The following NCOA2 variants were observed in gnomAD, a reference collection of about 807,000 sequenced individuals.
NCOA2 encodes nuclear receptor coactivator 2, also known as class E basic helix-loop-helix protein 75.
NCOA2 carries 21 observed loss-of-function variants against 145.1 expected under a neutral mutation model. The ratio of observed to expected loss-of-function variants is 0.14; its 90% CI spans 0.10 to 0.21. NCOA2 has a LOEUF of 0.21. NCOA2 is among the 10% of genes least tolerant of loss of function. NCOA2 has a pLI of 1.00. For missense variants in NCOA2, 1,472 were observed against 1,837.6 expected, an observed-to-expected ratio of 0.80 and a Z score of 3.64; for synonymous variants, 619 against 637.5, an observed-to-expected ratio of 0.97 and a Z score of 0.44.
At chr8:70,205,229 T>C (rs994543823) in intron 4 of NCOA2, among the ~76,000 whole-genome samples, 4 of 152,006 alleles carry the variant, frequency 2.6e-5, no homozygotes, top group African/African-American at 7.3e-5. Context: ...GTGTTTGAGA[T>C]AGGCCTTGAA....
intron 7 of NCOA2, among the ~76,000 whole-genome samples, chr8:70,165,503 G>A (rs1262198814): frequency 6.6e-6 from 1 of 152,168 alleles, no homozygotes; most frequent in Non-Finnish European, 1.5e-5. Context: ...TCAGTCACAA[G>A]TGGTCCTCAG....
At chr8:70,319,529 C>T (rs1485158396) in intron 1 of NCOA2, among the ~76,000 whole-genome samples, 1 of 129,114 alleles carries the variant, frequency 7.7e-6, no homozygotes, top group South Asian at 2.4e-4. Context: ...GCAACAGAGA[C>T]CCTGTCTCAA....
At chr8:70,173,743 G>A (rs1814507798) in intron 5 of NCOA2, among the ~76,000 whole-genome samples, 1 of 152,150 alleles carries the variant, frequency 6.6e-6, no homozygotes, top group African/African-American at 2.4e-5. Flanking sequence ...TGGGTCAGAT[G>A]CTCTTGGAGT....
intron 2 of NCOA2, among the ~76,000 whole-genome samples, chr8:70,269,351 C>T (rs1264597116): frequency 6.6e-6 from 1 of 152,072 alleles, no homozygotes; most frequent in African/African-American, 2.4e-5. Context: ...GTGGCTCACA[C>T]CTATAATCCC....
chr8:70,171,828 A>C (rs1197222230), intron 5 of NCOA2, among the ~76,000 whole-genome samples: 3 of 150,744 alleles, frequency 2.0e-5, no homozygotes, highest in Admixed American at 2.0e-4. Flanking sequence ...ACACCCAGAT[A>C]TTTTTTATTT....
At chr8:70,198,283 G>A (rs1189345936) in intron 4 of NCOA2, among the ~76,000 whole-genome samples, 1 of 152,172 alleles carries the variant, frequency 6.6e-6, no homozygotes, top group Non-Finnish European at 1.5e-5. Flanking sequence ...CCAAAATGAT[G>A]TATACATTTG....
At chr8:70,285,243 A>T (rs1031316814) in intron 2 of NCOA2, among the ~76,000 whole-genome samples, 1 of 152,206 alleles carries the variant, frequency 6.6e-6, no homozygotes, top group African/African-American at 2.4e-5. Flanking sequence ...AATCAACAAG[A>T]ATTTACTTAG....
At chr8:70,157,680 T>C (rs1361145834) in intron 10 of NCOA2, among the ~76,000 whole-genome samples, 1 of 152,204 alleles carries the variant, frequency 6.6e-6, no homozygotes, top group African/African-American at 2.4e-5. Context: ...AGAGCTCTGA[T>C]ATTTACTACT....
At position 70,335,152 on chromosome 8, in the gene NCOA2, AAG is replaced by A. The variant is rs1436269043; in HGVS notation, c.-76-38354_-76-38353del. Reference sequence around the variant, plus strand: ...AAAAAAAAAAAAAAAAAAAAAAAAAAAGATCTCTCCCTATGACCATTTTCTCA... The same window carrying A: ...AAAAAAAAAAAAAAAAAAAAAAAAAAATCTCTCCCTATGACCATTTTCTCA... On this transcript the variant is annotated intron_variant, in intron 1 of 22. Coordinates refer to ENST00000452400, the MANE Select transcript of NCOA2 (RefSeq NM_006540.4). Among the ~76,000 whole-genome samples, 26 of 142,064 alleles carry A rather than the reference AAG, an allele frequency of 1.8e-4. No homozygotes were observed. The East Asian group carries it at 2.2e-3, about 12-fold the overall frequency. 93.2% of individuals were successfully genotyped at this position (142,064 alleles called of 152,430 possible). A position where few individuals can be genotyped will look rare whatever the true frequency, so the allele number is the denominator to read the frequency against.
At chr8:70,296,085 C>A (rs1827071663) in intron 2 of NCOA2, among the ~76,000 whole-genome samples, 1 of 152,114 alleles carries the variant, frequency 6.6e-6, no homozygotes, top group African/African-American at 2.4e-5. Flanking sequence ...TTACTGTATA[C>A]CAGGCACCAT....
rs200807048 is a variant in NCOA2 at position 70,226,707 on chromosome 8, CTT to C, written c.-19-9945_-19-9944del. 5.9e-3 allele frequency among the ~76,000 whole-genome samples: 886 copies of C among 149,982 alleles called. 5 individuals carry two copies. The highest frequency in any genetic ancestry group is 0.02 in the African/African-American group (824 of 41,040). ...AACTATACTTAAAACTTAGGGTAAA[CTT>C]ATATTTATCCTAAGTTCTTCTGTAT... On this transcript the variant is annotated intron_variant, in intron 2 of 22. Transcript: ENST00000452400.
At chr8:70,185,124 G>T (rs1053275136) in intron 4 of NCOA2, among the ~76,000 whole-genome samples, 2 of 152,106 alleles carry the variant, frequency 1.3e-5, no homozygotes, top group Non-Finnish European at 2.9e-5. Context: ...CTCATCATAT[G>T]TAGACTCTTC....
intron 16 of NCOA2, 91 bp from the exon 17 acceptor site, chr8:70,129,071 T>C: frequency 8.1e-7 from 1 of 1,239,596 alleles, no homozygotes. Flanking sequence ...TATCATATAT[T>C]TGAAGCTTTT....
At chr8:70,190,138 A>ATAATCTC (rs1816523514) in intron 4 of NCOA2, among the ~76,000 whole-genome samples, 1 of 152,218 alleles carries the variant, frequency 6.6e-6, no homozygotes, top group South Asian at 2.1e-4. Context: ...GTGAAGATTA[A>ATAATCTC]TAATCTCTTA....
chr8:70,371,993 T>G (rs1217828694), intron 1 of NCOA2, among the ~76,000 whole-genome samples: 1 of 152,204 alleles, frequency 6.6e-6, no homozygotes. Flanking sequence ...TCTTTATAAT[T>G]TTTTTACCTC....
intron 13 of NCOA2, among the ~76,000 whole-genome samples, chr8:70,141,921 T>C (rs765632895): frequency 1.3e-5 from 2 of 152,232 alleles, no homozygotes; most frequent in Non-Finnish European, 1.5e-5. Context: ...GGAGAACTTA[T>C]AGATCTTTCT....
chr8:70,420,414 T>C, the NCOA2 span, among the ~76,000 whole-genome samples: 2 of 151,872 alleles, frequency 1.3e-5, no homozygotes, highest in African/African-American at 4.8e-5. Flanking sequence ...GAAACACCAG[T>C]CCCCCAACCC....
At chr8:70,128,343 T>C (rs1808681392) in intron 18 of NCOA2, 90 bp downstream of exon 18, 1 of 1,087,164 alleles carries the variant, frequency 9.2e-7, no homozygotes, top group African/African-American at 1.6e-5. Context: ...TGGATCCACG[T>C]CTACTAAGTT....
the NCOA2 span, among the ~76,000 whole-genome samples, chr8:70,435,018 C>T: frequency 6.6e-6 from 1 of 152,250 alleles, no homozygotes; most frequent in East Asian, 1.9e-4. Context: ...GATTTTAATT[C>T]TATTTGTGTA....
Sources: gnomAD v4.1 joint callset for allele counts (sites outside exome capture counted in the v4.1 genomes callset) on GRCh38, gnomAD v4.1.1 for gene constraint, MANE v1.5 for transcripts, NCBI Gene and HGNC (gene_info 2026-07-23, HGNC 2026-07-21) for gene names.